The following ANKH variants were observed in gnomAD, a reference collection of about 807,000 sequenced individuals.
The protein encoded by ANKH is mineralization regulator ANKH.
ANKH carries 15 observed loss-of-function variants against 49.0 expected under a neutral mutation model. The observed-to-expected ratio is 0.31, with a 90% CI of 0.20 to 0.47. The LOEUF (loss-of-function observed/expected upper bound fraction) is 0.47, where lower values mean the gene tolerates loss of function less well. Among genes scored for constraint, ANKH ranks in the 20% least tolerant of loss-of-function variants. The probability of loss-of-function intolerance (pLI) is 1.00; values close to 1 mark genes in which losing one functional copy is unlikely to be tolerated. For missense variants in ANKH, 429 were observed against 652.0 expected (o/e 0.66, Z 3.72); for synonymous variants, 273 against 260.0 (o/e 1.05, Z -0.48).
intron 7 of ANKH, among the ~76,000 whole-genome samples, chr5:14,744,638 C>T (rs1317063752): frequency 2.0e-5 from 3 of 152,178 alleles, no homozygotes; most frequent in African/African-American, 7.2e-5. Flanking sequence ...AGGAGGAGGG[C>T]AGATGTGGGT....
At chr5:14,760,676 G>A (rs940223510) in intron 2 of ANKH, among the ~76,000 whole-genome samples, 3 of 152,224 alleles carry the variant, frequency 2.0e-5, no homozygotes, top group African/African-American at 7.2e-5. Flanking sequence ...AATGGTAAAG[G>A]CAGCTGTGCC....
chr5:14,826,711 G>A (rs1170798654), intron 1 of ANKH, among the ~76,000 whole-genome samples: 8 of 152,162 alleles, frequency 5.3e-5, no homozygotes, highest in Non-Finnish European at 1.0e-4. Context: ...ACTGTTGCAT[G>A]CCAAGTAAGA....
chr5:14,847,005 C>CAA (rs386403087), intron 1 of ANKH, among the ~76,000 whole-genome samples: 13,246 of 110,198 alleles, frequency 0.12, 1,182 homozygotes, highest in East Asian at 0.43. Flanking sequence ...AAGACTGCCT[C>CAA]AAAAAAAAAA....
Position 14,748,822 on chromosome 5 carries a change from C to G in ANKH, c.822+350G>C, listed in dbSNP as rs139578988. On this transcript the variant is annotated intron_variant, in intron 6 of 11. Transcript: ENST00000284268. ...CACGGTGAAGAGGCCAGTGCTGATTCCGTGGACATGGAAAACTGAGTGGGA... is the reference window on the plus strand; with the variant it reads ...CACGGTGAAGAGGCCAGTGCTGATTGCGTGGACATGGAAAACTGAGTGGGA... Among the ~76,000 whole-genome samples the G allele has an allele frequency of 2.4e-3, 359 of 152,372 alleles. 12 individuals are homozygous for G. The highest frequency in any genetic ancestry group is 0.017 in the Admixed American group (256 of 15,310).
In ANKH at chr5:14,716,847, G is replaced by C. The variant is rs754011934; in HGVS notation, c.1012-12C>G. On this transcript the variant is annotated splice_polypyrimidine_tract_variant and intron_variant, in intron 8 of 11. Coordinates refer to ENST00000284268, the MANE Select transcript of ANKH (RefSeq NM_054027.6). ...ATCACGAAACAGAGCTGGGGAGAAA[G>C]ACATCAAACAGGGTTGTGAGGAAAA... 3.7e-6 allele frequency: 6 copies of C among 1,613,608 alleles called. No individual in the cohort carries two copies. In the East Asian group the frequency reaches 8.9e-5, roughly 24 times the overall value.
intron 2 of ANKH, among the ~76,000 whole-genome samples, chr5:14,765,080 C>T (rs1739217384): frequency 6.6e-6 from 1 of 152,214 alleles, no homozygotes; most frequent in Non-Finnish European, 1.5e-5. Flanking sequence ...AACCACTGGC[C>T]TAAATGAAGG....
chr5:14,869,876 A>T (rs1224915590), intron 1 of ANKH: 2 of 152,226 alleles, frequency 1.3e-5, no homozygotes, highest in African/African-American at 2.4e-5. Flanking sequence ...CAGCTCCAAG[A>T]AGGTAAGCCT....
chr5:14,813,071 T>A (rs1740934365), intron 1 of ANKH, among the ~76,000 whole-genome samples: 1 of 151,940 alleles, frequency 6.6e-6, no homozygotes, highest in Non-Finnish European at 1.5e-5. Flanking sequence ...TGAAACCCTA[T>A]CTCTACAAAA....
At chr5:14,821,336 C>T (rs1376462819) in intron 1 of ANKH, among the ~76,000 whole-genome samples, 1 of 152,166 alleles carries the variant, frequency 6.6e-6, no homozygotes, top group Non-Finnish European at 1.5e-5. Context: ...TGGTTGACAA[C>T]AACCGTTTAA....
intron 8 of ANKH, chr5:14,724,488 AG>A (rs1737763998): frequency 1.1e-6 from 1 of 926,942 alleles, no homozygotes; most frequent in Non-Finnish European, 1.3e-6. Context: ...GTCCCCCAAT[AG>A]GATCAGAAGG....
intron 1 of ANKH, among the ~76,000 whole-genome samples, chr5:14,839,303 T>C (rs1485421212): frequency 6.6e-6 from 1 of 152,196 alleles, no homozygotes; most frequent in African/African-American, 2.4e-5. Flanking sequence ...TTCATTATAA[T>C]CTTTAATATC....
Position 14,797,162 on chromosome 5 carries a change from G to A in ANKH, c.97-27971C>T, listed in dbSNP as rs541202827. On this transcript the variant is annotated intron_variant, in intron 1 of 11. Coordinates refer to ENST00000284268, the MANE Select transcript of ANKH (RefSeq NM_054027.6). ...CTTCTGGATCCATGCTTCCTTCAGG[G>A]TCTTCATCATTATAAATGTTCTCTG... The A allele has an allele frequency of 1.1e-5, 15 of 1,339,096 alleles. No individual in the cohort carries two copies. The East Asian group carries it at 3.6e-4, about 32-fold the overall frequency. The allele number at this position is 1,339,096 out of a possible 1,614,324, so 83.0% of individuals were successfully genotyped here.
rs763634463 is a variant in ANKH, at chr5:14,865,040, G to A, written c.96+6312C>T. On this transcript the variant is annotated intron_variant, in intron 1 of 11. Coordinates refer to ENST00000284268, the MANE Select transcript of ANKH (RefSeq NM_054027.6). ...CTTTGGGAGGCCGAGGCAGGGGGACGACCTGAGGTCAGGAATTCGACACCA... is the reference window on the plus strand; with the variant it reads ...CTTTGGGAGGCCGAGGCAGGGGGACAACCTGAGGTCAGGAATTCGACACCA... Among the ~76,000 whole-genome samples the A allele has an allele frequency of 2.2e-4, 34 of 152,188 alleles. 2 individuals are homozygous for A. The highest frequency in any genetic ancestry group is 1.4e-3 in the Admixed American group (22 of 15,288).
In ANKH at chr5:14,716,761, G is replaced by C; in HGVS notation, c.1086C>G (p.Ala362=). 1 of 1,614,158 alleles carries C rather than the reference G, an allele frequency of 6.2e-7. No individual in the cohort carries two copies. The highest frequency in any genetic ancestry group is 8.5e-7 in the Non-Finnish European group (1 of 1,179,978). Residue 362 remains alanine (A), a synonymous_variant, in exon 9 of 12, where the codon GCC becomes GCG. Transcript: ENST00000284268. ...AAGGAACAACACAGAGTTCTGCAAAGGCAAAGTCCACTCCGATGATGTCTA... is the reference window on the plus strand; with the variant it reads ...AAGGAACAACACAGAGTTCTGCAAACGCAAAGTCCACTCCGATGATGTCTA... ...ILIDIIGVDF[A]FAELCVVPLR...
At chr5:14,731,295 T>C (rs1361775510) in intron 8 of ANKH, among the ~76,000 whole-genome samples, 1 of 152,156 alleles carries the variant, frequency 6.6e-6, no homozygotes. Flanking sequence ...GCAGGGTCTA[T>C]GGTGGTACCA....
At chr5:14,756,968 T>C (rs1478311052) in intron 3 of ANKH, among the ~76,000 whole-genome samples, 1 of 152,212 alleles carries the variant, frequency 6.6e-6, no homozygotes, top group Non-Finnish European at 1.5e-5. Context: ...AACTCTCTTA[T>C]GGCAAATAAA....
chr5:14,712,921 C>T lies in ANKH; in HGVS notation c.1318G>A (p.Glu440Lys). 2 of 1,613,622 alleles carry T rather than the reference C, an allele frequency of 1.2e-6. No homozygotes were observed. The highest frequency in any genetic ancestry group is 1.7e-6 in the Non-Finnish European group (2 of 1,179,900). ...GCAGCGATGGCGACCATGGTGGATT[C>T]TCCCACAAAGCCCGCCAGGAGGGAG... The part of the protein sequence containing the change: ...VGSLLAGFVG[E>K]STMVAIAACY... Residue 440 changes from glutamate (E) to lysine (K), a missense_variant, in exon 11 of 12, where the codon GAA becomes AAA. Coordinates refer to ENST00000284268, the MANE Select transcript of ANKH (RefSeq NM_054027.6).
chr5:14,785,350 T>C (rs143536920), intron 1 of ANKH, among the ~76,000 whole-genome samples: 2 of 152,250 alleles, frequency 1.3e-5, no homozygotes, highest in East Asian at 1.9e-4. Context: ...TTCAGCACCA[T>C]GGTGATGAGT....
intron 8 of ANKH, among the ~76,000 whole-genome samples, chr5:14,730,963 G>C (rs937170294): frequency 6.6e-6 from 1 of 152,242 alleles, no homozygotes; most frequent in Non-Finnish European, 1.5e-5. Flanking sequence ...GCCAGGGAGA[G>C]GTTGATAAGG....
Sources: allele counts gnomAD v4.1 joint callset (sites outside exome capture counted in the v4.1 genomes callset), GRCh38; gene constraint gnomAD v4.1.1; transcripts MANE v1.5; gene names NCBI Gene and HGNC (gene_info 2026-07-23, HGNC 2026-07-21).